BACH2: variants seen among roughly 807,000 people sequenced by gnomAD.
The protein encoded by BACH2 is BACH transcriptional regulator 2, also known as transcription regulator protein BACH2.
BACH2 carries 5 observed loss-of-function variants against 61.8 expected under a neutral mutation model. That is an observed-to-expected ratio of 0.08 (90% CI 0.04 to 0.17). The LOEUF is 0.17. Among genes scored for constraint, BACH2 ranks in the 10% least tolerant of loss-of-function variants. The probability of loss-of-function intolerance (pLI) is 1.00; values close to 1 mark genes in which losing one functional copy is unlikely to be tolerated. For missense variants in BACH2, 824 were observed against 1,091.1 expected (o/e 0.76, Z 3.45); for synonymous variants, 446 against 440.1 (o/e 1.01, Z -0.17).
At chr6:89,954,353 G>A (rs1000292192) in intron 6 of BACH2, among the ~76,000 whole-genome samples, 5 of 150,718 alleles carry the variant, frequency 3.3e-5, no homozygotes, top group Non-Finnish European at 5.9e-5. Flanking sequence ...TGCATAATGT[G>A]CAGGTTACAT....
chr6:90,243,968 CTGGAGTGCAGTGGCA>C (rs1451310038), intron 3 of BACH2, among the ~76,000 whole-genome samples: 1 of 152,202 alleles, frequency 6.6e-6, no homozygotes, highest in Non-Finnish European at 1.5e-5. Context: ...GTTGCCCAGG[CTGGAGTGCAGTGGCA>C]TGATCTCAGC....
intron 7 of BACH2, among the ~76,000 whole-genome samples, chr6:89,945,527 C>T (rs930815346): frequency 2.6e-5 from 4 of 152,164 alleles, no homozygotes; most frequent in African/African-American, 9.7e-5. Flanking sequence ...AGGTAGATTA[C>T]TGGTTGCCTG....
chr6:90,006,521 T>C (rs1777414587), intron 6 of BACH2, among the ~76,000 whole-genome samples: 1 of 152,226 alleles, frequency 6.6e-6, no homozygotes. Flanking sequence ...AGCTACCTAC[T>C]TGCTAGTGGT....
At chr6:90,269,824 T>C (rs1361140743) in intron 2 of BACH2, among the ~76,000 whole-genome samples, 2 of 152,336 alleles carry the variant, frequency 1.3e-5, no homozygotes, top group African/African-American at 4.8e-5. Context: ...GGACACACGC[T>C]GGGCAGCTGT....
At chr6:90,003,238 C>A (rs1777228290) in intron 6 of BACH2, among the ~76,000 whole-genome samples, 1 of 152,188 alleles carries the variant, frequency 6.6e-6, no homozygotes, top group African/African-American at 2.4e-5. Context: ...CTCTCCCCAC[C>A]CTGCCTTGGC....
chr6:90,182,071 C>T (rs1466751349), intron 4 of BACH2, among the ~76,000 whole-genome samples: 1 of 152,182 alleles, frequency 6.6e-6, no homozygotes, highest in East Asian at 1.9e-4. Flanking sequence ...GAACCTCTCA[C>T]TTCTGGGGTG....
chr6:90,035,843 T>G (rs1779236034), intron 5 of BACH2, among the ~76,000 whole-genome samples: 1 of 151,844 alleles, frequency 6.6e-6, no homozygotes, highest in South Asian at 2.1e-4. Context: ...GCAGAACCAT[T>G]TAGTAACAAT....
chr6:90,283,052 G>A (rs1321331171), intron 1 of BACH2, among the ~76,000 whole-genome samples: 5 of 152,192 alleles, frequency 3.3e-5, no homozygotes, highest in Non-Finnish European at 7.3e-5. Context: ...AATCCAGAGA[G>A]TGTGTAATCA....
chr6:90,227,802 CT>C (rs1452273804), intron 3 of BACH2, among the ~76,000 whole-genome samples: 1 of 151,540 alleles, frequency 6.6e-6, no homozygotes, highest in African/African-American at 2.4e-5. Context: ...TGATATATCC[CT>C]TTAAAAAAAA....
intron 1 of BACH2, among the ~76,000 whole-genome samples, chr6:90,278,673 A>G (rs959864959): frequency 2.0e-5 from 3 of 152,236 alleles, no homozygotes; most frequent in Non-Finnish European, 4.4e-5. Context: ...TGTGGGTTCA[A>G]GAAAGCAGTA....
intron 4 of BACH2, among the ~76,000 whole-genome samples, chr6:90,142,633 T>C (rs1784497884): frequency 6.6e-6 from 1 of 152,146 alleles, no homozygotes; most frequent in Non-Finnish European, 1.5e-5. Flanking sequence ...GGATAATGTT[T>C]GGCCAAACAA....
intron 4 of BACH2, among the ~76,000 whole-genome samples, chr6:90,104,075 G>A (rs1461261355): frequency 1.3e-5 from 2 of 152,264 alleles, no homozygotes; most frequent in Admixed American, 6.5e-5. Context: ...AATAAAATCC[G>A]CAGGTATCAA....
chr6:90,126,643 A>G (rs1304649307), intron 4 of BACH2, among the ~76,000 whole-genome samples: 1 of 152,258 alleles, frequency 6.6e-6, no homozygotes, highest in East Asian at 1.9e-4. Flanking sequence ...TAAAACACTG[A>G]GAAGCATCTC....
At chr6:90,277,290 T>C (rs979273656) in intron 1 of BACH2, among the ~76,000 whole-genome samples, 11 of 152,214 alleles carry the variant, frequency 7.2e-5, no homozygotes, top group African/African-American at 4.8e-5. Context: ...TATAATACTA[T>C]ATAGCATGGA....
At chr6:89,945,933 A>AT (rs58962925) in intron 7 of BACH2, among the ~76,000 whole-genome samples, 30,686 of 151,268 alleles carry the variant, frequency 0.2, 3,279 homozygotes, top group East Asian at 0.28. Flanking sequence ...TGACTTGTTC[A>AT]TTTTTTTTTA....
At chr6:90,049,936 C>T (rs930525131) in intron 5 of BACH2, among the ~76,000 whole-genome samples, 3 of 152,200 alleles carry the variant, frequency 2.0e-5, no homozygotes, top group Admixed American at 2.0e-4. Flanking sequence ...ACTAAGGTTA[C>T]TCAGACTTGG....
In BACH2 at chr6:90,009,782, C is replaced by T. The variant is rs573494369; in HGVS notation, c.-12-926G>A. Reference sequence around the variant, plus strand: ...TGGGTTCAAGTGATTCTCCTGCCTCCGCTTCCCAAGTAGCTGGGATTACAG... The same window carrying T: ...TGGGTTCAAGTGATTCTCCTGCCTCTGCTTCCCAAGTAGCTGGGATTACAG... On this transcript the variant is annotated intron_variant, in intron 5 of 8. Transcript: ENST00000257749. 1.4e-4 allele frequency among the ~76,000 whole-genome samples: 21 copies of T among 152,242 alleles called. No individual in the cohort carries two copies. In the South Asian group the frequency reaches 3.7e-3, roughly 27 times the overall value.
At chr6:89,944,883 TA>T (rs1773638082) in intron 7 of BACH2, among the ~76,000 whole-genome samples, 1 of 152,238 alleles carries the variant, frequency 6.6e-6, no homozygotes, top group African/African-American at 2.4e-5. Context: ...GCTGTCTTAC[TA>T]AGAGGCTTAC....
At chr6:90,165,704 A>G (rs1767586342) in intron 4 of BACH2, among the ~76,000 whole-genome samples, 1 of 152,240 alleles carries the variant, frequency 6.6e-6, no homozygotes, top group Non-Finnish European at 1.5e-5. Flanking sequence ...TGGTACCAAG[A>G]CAGACATATA....
Sources: allele counts gnomAD v4.1 joint callset (sites outside exome capture counted in the v4.1 genomes callset), GRCh38; gene constraint gnomAD v4.1.1; transcripts MANE v1.5; gene names NCBI Gene and HGNC (gene_info 2026-07-23, HGNC 2026-07-21).